Variants in COP1 observed in about 807,000 individuals in gnomAD.
The protein encoded by COP1 is COP1 E3 ubiquitin ligase.
Under a neutral mutation model 101.3 loss-of-function variants are expected in COP1, and 24 were observed. That is an observed-to-expected ratio of 0.24 (90% confidence interval 0.17 to 0.33). COP1 has a LOEUF of 0.33. COP1 is among the 10% of genes least tolerant of loss of function. The pLI is 1.00. For missense variants in COP1, 663 were observed against 906.2 expected, an observed-to-expected ratio of 0.73 and a Z score of 3.45; for synonymous variants, 347 against 341.9, an observed-to-expected ratio of 1.01 and a Z score of -0.17.
chr1:176,121,996 C>T (rs1029858242), intron 8 of COP1, among the ~76,000 whole-genome samples: 10 of 151,744 alleles, frequency 6.6e-5, no homozygotes, highest in South Asian at 6.2e-4. Context: ...AAAAATTAGC[C>T]GGGCATGGTG....
chr1:176,202,678 A>G (rs1700395477), intron 1 of COP1, among the ~76,000 whole-genome samples: 1 of 151,468 alleles, frequency 6.6e-6, no homozygotes, highest in South Asian at 2.1e-4. Flanking sequence ...AAAAAAAGGA[A>G]AAAAAAAATT....
In COP1 at chr1:176,155,685, T is replaced by C. The variant is rs187023114; in HGVS notation, c.763-6611A>G. On this transcript the variant is annotated intron_variant, in intron 5 of 19. Transcript: ENST00000367669. ...TTGCATGAAACCCAAGAAGAATAAATATAAAAATAATAAAATGTAGGAATA... is the reference window on the plus strand; with the variant it reads ...TTGCATGAAACCCAAGAAGAATAAACATAAAAATAATAAAATGTAGGAATA... 8.9e-3 allele frequency among the ~76,000 whole-genome samples: 1,345 copies of C among 151,850 alleles called. 22 individuals are homozygous for C. Among genetic ancestry groups the C allele is most frequent in the African/African-American group, 0.03 (1,254 of 41,464 alleles).
intron 1 of COP1, among the ~76,000 whole-genome samples, chr1:176,194,141 C>T (rs1238001707): frequency 6.6e-6 from 1 of 151,848 alleles, no homozygotes; most frequent in Non-Finnish European, 1.5e-5. Context: ...CCACCAAATA[C>T]ACACAATCAT....
intron 18 of COP1, chr1:175,968,245 TC>T: frequency 4.6e-6 from 1 of 216,924 alleles, no homozygotes; most frequent in African/African-American, 2.3e-5. Flanking sequence ...ACACCTATTT[TC>T]AAAACTCGTA....
chr1:176,009,800 T>G (rs188228901), intron 15 of COP1, among the ~76,000 whole-genome samples: 2 of 148,840 alleles, frequency 1.3e-5, no homozygotes, highest in African/African-American at 4.9e-5. Context: ...CAGGGGCATA[T>G]GAAGATGGTC....
chr1:175,963,804 A>G (rs1035177758), intron 18 of COP1, among the ~76,000 whole-genome samples: 1 of 152,166 alleles, frequency 6.6e-6, no homozygotes, highest in Non-Finnish European at 1.5e-5. Context: ...CAATAATTTC[A>G]GGGGTAATGA....
intron 11 of COP1, among the ~76,000 whole-genome samples, chr1:176,055,279 C>T (rs1449774146): frequency 6.6e-6 from 1 of 152,070 alleles, no homozygotes; most frequent in African/African-American, 2.4e-5. Context: ...ACCAAAAATA[C>T]AAAAAATTAG....
chr1:176,075,370 A>G (rs1677796158), intron 11 of COP1, among the ~76,000 whole-genome samples: 1 of 152,232 alleles, frequency 6.6e-6, no homozygotes, highest in African/African-American at 2.4e-5. Context: ...ATAAATTCAA[A>G]TCTTAGTCCT....
At chr1:176,111,743 A>G (rs1297431716) in intron 9 of COP1, among the ~76,000 whole-genome samples, 1 of 152,146 alleles carries the variant, frequency 6.6e-6, no homozygotes, top group Non-Finnish European at 1.5e-5. Flanking sequence ...TCAGTTTTAC[A>G]GTATTCTTTA....
At chr1:176,005,268 G>A (rs1662837856) in intron 15 of COP1, among the ~76,000 whole-genome samples, 1 of 151,912 alleles carries the variant, frequency 6.6e-6, no homozygotes, top group African/African-American at 2.4e-5. Context: ...TCTTGCTAGT[G>A]GTCTATCAAT....
At chr1:175,993,238 A>T (rs988636419) in intron 15 of COP1, among the ~76,000 whole-genome samples, 1 of 152,238 alleles carries the variant, frequency 6.6e-6, no homozygotes, top group African/African-American at 2.4e-5. Context: ...CCAAAAACCC[A>T]TCTGTATATC....
intron 5 of COP1, among the ~76,000 whole-genome samples, chr1:176,161,735 CAGTAGATGCTAAT>C (rs1251310257): frequency 6.6e-6 from 1 of 152,180 alleles, no homozygotes; most frequent in Non-Finnish European, 1.5e-5. Context: ...CCCTGGCAAA[CAGTAGATGCTAAT>C]AGTAAACTAT....
At chr1:176,088,634 T>C (rs1680670442) in intron 9 of COP1, among the ~76,000 whole-genome samples, 1 of 152,160 alleles carries the variant, frequency 6.6e-6, no homozygotes, top group East Asian at 1.9e-4. Context: ...AAAAATGAAT[T>C]GCTTTTTCAT....
chr1:176,115,466 T>C (rs1653201662), intron 9 of COP1, among the ~76,000 whole-genome samples: 1 of 148,206 alleles, frequency 6.7e-6, no homozygotes, highest in South Asian at 2.1e-4. Flanking sequence ...AAATAAAAAA[T>C]GGCTGAGCAC....
At chr1:176,168,986 A>C (rs935035199) in intron 3 of COP1, among the ~76,000 whole-genome samples, 1 of 152,222 alleles carries the variant, frequency 6.6e-6, no homozygotes, top group African/African-American at 2.4e-5. Flanking sequence ...AAAATTGAAA[A>C]AAATGCCTGA....
chr1:176,156,113 T>C (rs1693410958), intron 5 of COP1, among the ~76,000 whole-genome samples: 1 of 152,096 alleles, frequency 6.6e-6, no homozygotes, highest in African/African-American at 2.4e-5. Context: ...AAAAAAAAGT[T>C]TGGTGAGACT....
At chr1:175,945,252 CA>C in intron 19 of COP1, 82 bp from the exon 20 acceptor site, 1 of 1,023,932 alleles carries the variant, frequency 9.8e-7, no homozygotes, top group South Asian at 1.6e-5. Context: ...CTATATTTAC[CA>C]ATAGAAAAGC....
chr1:175,970,189 A>G (rs1410919489), intron 18 of COP1, among the ~76,000 whole-genome samples: 2 of 152,196 alleles, frequency 1.3e-5, no homozygotes, highest in African/African-American at 4.8e-5. Context: ...ATCAGTTGGT[A>G]GACTGCATTC....
intron 11 of COP1, among the ~76,000 whole-genome samples, chr1:176,056,709 G>T (rs987937025): frequency 1.3e-5 from 2 of 151,954 alleles, no homozygotes; most frequent in African/African-American, 4.8e-5. Context: ...TATCAATCAC[G>T]TTTACTTTTG....
Sources: gnomAD v4.1 joint callset for allele counts (sites outside exome capture counted in the v4.1 genomes callset) on GRCh38, gnomAD v4.1.1 for gene constraint, MANE v1.5 for transcripts, NCBI Gene and HGNC (gene_info 2026-07-23, HGNC 2026-07-21) for gene names.